ABCG5: variants seen among roughly 807,000 people sequenced by gnomAD.
ABCG5 encodes ATP binding cassette subfamily G member 5.
A neutral mutation model predicts 64.5 loss-of-function variants in ABCG5; 64 were observed. That is an observed-to-expected ratio of 0.99 (90% CI 0.81 to 1.22). The LOEUF is 1.22. Ranked by LOEUF, ABCG5 falls within the 50% of genes most tolerant of loss-of-function variation. The pLI, the probability that ABCG5 is intolerant of heterozygous loss-of-function variation, is 0.00. For synonymous variants in ABCG5, 385 were observed against 326.3 expected, an observed-to-expected ratio of 1.18 and a Z score of -1.94; for missense variants, 908 against 829.5, an observed-to-expected ratio of 1.09 and a Z score of -1.16.
intron 4 of ABCG5, among the ~76,000 whole-genome samples, chr2:43,830,727 T>C (rs1667904620): frequency 6.6e-6 from 1 of 152,260 alleles, no homozygotes; most frequent in African/African-American, 2.4e-5. Context: ...AGGAGGCATG[T>C]CCACCTGTCA....
the ABCG5 span, among the ~76,000 whole-genome samples, chr2:43,807,093 T>G: frequency 1.3e-5 from 2 of 152,190 alleles, no homozygotes; most frequent in Non-Finnish European, 2.9e-5. Context: ...AATCTAAATT[T>G]TGACATTCTA....
Position 43,824,356 on chromosome 2 carries a change from A to G in ABCG5, c.981T>C (p.Ser327=). 1 of 1,614,188 alleles carries G rather than the reference A, an allele frequency of 6.2e-7. No homozygotes were observed. The highest frequency in any genetic ancestry group is 8.5e-7 in the Non-Finnish European group (1 of 1,180,030). Residue 327 remains serine (S), a synonymous_variant, in exon 8 of 13, where the codon TCT becomes TCC. Transcript: ENST00000405322. The part of the protein sequence containing the change: ...ETSKRVQMIE[S]AYKKSAICHK... ...GACAAATTGCTGATTTCTTGTAGGCAGATTCTATCATCTGGACTCTCTTGG... is the reference window on the plus strand; with the variant it reads ...GACAAATTGCTGATTTCTTGTAGGCGGATTCTATCATCTGGACTCTCTTGG...
In ABCG5 at chr2:43,824,034, A is replaced by G. The variant is rs1667429757; in HGVS notation, c.1203T>C (p.Leu401=). 1.2e-6 allele frequency: 2 copies of G among 1,614,112 alleles called. No homozygotes were observed. Among genetic ancestry groups the G allele is most frequent in the African/African-American group, 1.3e-5 (1 of 74,938 alleles). The change falls in exon 9 of 13, where the codon CTT becomes CTC. Residue 401 remains leucine, a synonymous_variant. Transcript: ENST00000405322. Reference sequence around the variant, plus strand: ...TGCTTCGGACCCGCAGAACGAAGAAAAGGAGGAACAAACCCATGATCAGAT... The same window carrying G: ...TGCTTCGGACCCGCAGAACGAAGAAGAGGAGGAACAAACCCATGATCAGAT... The part of the protein sequence containing the change: ...LQNLIMGLFL[L]FFVLRVRSNV...
intron 2 of ABCG5, among the ~76,000 whole-genome samples, chr2:43,836,649 A>G (rs1558775986): frequency 6.6e-6 from 1 of 152,148 alleles, no homozygotes; most frequent in African/African-American, 2.4e-5. Flanking sequence ...CTCGGCCACA[A>G]GGAGCTGTCT....
At chr2:43,816,526 C>T (rs542982490) in intron 11 of ABCG5, among the ~76,000 whole-genome samples, 2 of 152,306 alleles carry the variant, frequency 1.3e-5, no homozygotes, top group South Asian at 4.1e-4. Context: ...ACATTGTCCA[C>T]ATTAGGTTGG....
chr2:43,820,262 A>T (rs1442479890), intron 10 of ABCG5, among the ~76,000 whole-genome samples, 162 bp from the exon 11 acceptor site: 1 of 152,224 alleles, frequency 6.6e-6, no homozygotes, highest in Non-Finnish European at 1.5e-5. Context: ...AGGAGTCAAC[A>T]TGAGACTATT....
chr2:43,809,893 G>T, downstream of ABCG5: 1 of 1,428,062 alleles, frequency 7.0e-7, no homozygotes, highest in Non-Finnish European at 9.2e-7. Context: ...GGACAAGCTG[G>T]ATTTCTTGGA....
Position 43,838,193 on chromosome 2 carries a change from C to A in ABCG5, c.144-238G>T, listed in dbSNP as rs138046983. The A allele has an allele frequency of 4.4e-4, 266 of 605,018 alleles. 2 individuals are homozygous for A. The highest frequency in any genetic ancestry group is 2.3e-3 in the South Asian group (117 of 51,036). The allele number at this position is 605,018 out of a possible 1,614,324, so 37.5% of individuals were successfully genotyped here. A position where few individuals can be genotyped will look rare whatever the true frequency, so the allele number is the denominator to read the frequency against. ...TCTGAATGTCCTGTCCGTTTGGCTG[C>A]GAGGTGGCTGTCCCTGCATTCTTTC... On this transcript the variant is annotated intron_variant, in intron 1 of 12. Coordinates refer to ENST00000405322, the MANE Select transcript of ABCG5 (RefSeq NM_022436.3). This position sits in a 1 kb window ranked among gnomAD's most constrained non-coding sequence, Gnocchi z 4.2.
chr2:43,813,709 G>GTTTTTTTTTTTTTTTTTTTTTTTTTTTTT (rs1214033245), intron 12 of ABCG5, among the ~76,000 whole-genome samples: 1 of 34,072 alleles, frequency 2.9e-5, no homozygotes, highest in Non-Finnish European at 5.4e-5. Flanking sequence ...TTTTTTTTTC[G>GTTTTTTTTTTTTTTTTTTTTTTTTTTTTT]TTTTTTTTTT....
chr2:43,817,907 C>A (rs1434200045), intron 11 of ABCG5, among the ~76,000 whole-genome samples: 1 of 151,880 alleles, frequency 6.6e-6, no homozygotes, highest in African/African-American at 2.4e-5. Flanking sequence ...GCGATTCCCT[C>A]TCAAAACAAA....
At chr2:43,808,428 A>C (rs966292454), downstream of ABCG5, among the ~76,000 whole-genome samples, 6 of 152,208 alleles carry the variant, frequency 3.9e-5, no homozygotes, top group African/African-American at 1.4e-4. Flanking sequence ...TGTGAACTTC[A>C]GTTATGTTAG....
intron 12 of ABCG5, among the ~76,000 whole-genome samples, chr2:43,814,175 T>C (rs2104749419): frequency 6.6e-6 from 1 of 152,278 alleles, no homozygotes; most frequent in East Asian, 1.9e-4. Flanking sequence ...ATGTGTTCAG[T>C]AGATACAGGA....
intron 4 of ABCG5, among the ~76,000 whole-genome samples, chr2:43,828,827 G>A (rs1203324582): frequency 6.6e-6 from 1 of 151,306 alleles, no homozygotes; most frequent in Middle Eastern, 3.2e-3. Flanking sequence ...TGAGCTGGGA[G>A]TGGTGGCAGG....
In ABCG5 at chr2:43,832,069, T is replaced by C; in HGVS notation, c.280A>G (p.Thr94Ala). 1 of 1,581,962 alleles carries C rather than the reference T, an allele frequency of 6.3e-7. No homozygotes were observed. Among genetic ancestry groups the C allele is most frequent in the Non-Finnish European group, 8.6e-7 (1 of 1,164,620 alleles). ...ILGSSGSGKT[T>A]LLDAMSGRLG... ...CTCCCGGACATGGCGTCCAGCAGCGTGGTTTTCCCGGAGCCTGCGGGGCGA... is the reference window on the plus strand; with the variant it reads ...CTCCCGGACATGGCGTCCAGCAGCGCGGTTTTCCCGGAGCCTGCGGGGCGA... The change falls in exon 3 of 13, where the codon ACG becomes GCG. Residue 94 changes from threonine (T) to alanine (A), a missense_variant. Coordinates refer to ENST00000405322, the MANE Select transcript of ABCG5 (RefSeq NM_022436.3).
At chr2:43,835,726 A>T (rs1668219934) in intron 2 of ABCG5, among the ~76,000 whole-genome samples, 1 of 151,928 alleles carries the variant, frequency 6.6e-6, no homozygotes, top group African/African-American at 2.4e-5. Flanking sequence ...TGCCTCAGAG[A>T]CCCCTCCCCA....
chr2:43,838,137 C>A lies in ABCG5; in HGVS notation c.144-182G>T. 1 of 769,978 alleles carries A rather than the reference C, an allele frequency of 1.3e-6. No homozygotes were observed. The highest frequency in any genetic ancestry group is 1.7e-5 in the South Asian group (1 of 57,832). The allele number at this position is 769,978 out of a possible 1,614,324, so 47.7% of individuals were successfully genotyped here. A position where few individuals can be genotyped will look rare whatever the true frequency, so the allele number is the denominator to read the frequency against. ...GCAGATAGCGACTGAGGCTGTCTGC[C>A]ACGTAGGGAGGGGGCCTGTGCTGGA... On this transcript the variant is annotated intron_variant, in intron 1 of 12. Transcript: ENST00000405322. This position sits in a 1 kb window ranked among gnomAD's most constrained non-coding sequence, Gnocchi z 4.2.
Position 43,838,453 on chromosome 2 carries a change from T to G in ABCG5, c.143+84A>C, listed in dbSNP as rs1668421972. On this transcript the variant is annotated intron_variant, in intron 1 of 12. Transcript: ENST00000405322. The surrounding 1 kb of genome is among the most constrained non-coding windows in gnomAD (Gnocchi z 4.2). ...AGCCCGAAGTGCCCAGACTGGCACTTAAAGAGTGAAGAAAGGCAGCAGAGG... is the reference window on the plus strand; with the variant it reads ...AGCCCGAAGTGCCCAGACTGGCACTGAAAGAGTGAAGAAAGGCAGCAGAGG... 3 of 1,387,108 alleles carry G rather than the reference T, an allele frequency of 2.2e-6. No homozygotes were observed. The allele number at this position is 1,387,108 out of a possible 1,614,324, so 85.9% of individuals were successfully genotyped here.
chr2:43,813,692 T>G (rs1423951773), intron 12 of ABCG5, among the ~76,000 whole-genome samples: 3 of 147,356 alleles, frequency 2.0e-5, no homozygotes, highest in African/African-American at 7.6e-5. Flanking sequence ...TTTGTTTTTT[T>G]TGGGGTTTTT....
chr2:43,821,712 G>A (rs1177193057), intron 10 of ABCG5, among the ~76,000 whole-genome samples: 5 of 152,042 alleles, frequency 3.3e-5, no homozygotes, highest in East Asian at 1.9e-4. Flanking sequence ...GTTGTGTCTT[G>A]AATTCTAATA....
Sources: gnomAD v4.1 joint callset for allele counts (sites outside exome capture counted in the v4.1 genomes callset) on GRCh38, gnomAD v4.1.1 for gene constraint, Gnocchi (gnomAD v3.1) non-coding constraint, MANE v1.5 for transcripts, NCBI Gene and HGNC (gene_info 2026-07-23, HGNC 2026-07-21) for gene names.